ZNRF2: variants seen among roughly 807,000 people sequenced by gnomAD.
ZNRF2 encodes E3 ubiquitin-protein ligase ZNRF2.
Under a neutral mutation model 20.4 loss-of-function variants are expected in ZNRF2, and 16 were observed. The observed-to-expected ratio is 0.79, with a 90% CI of 0.53 to 1.19. ZNRF2 has a LOEUF of 1.19. Ranked by LOEUF, ZNRF2 falls within the 50% of genes most tolerant of loss-of-function variation. ZNRF2 has a pLI of 0.00. For synonymous variants in ZNRF2, 178 were observed against 144.9 expected (o/e 1.23, Z -1.64); for missense variants, 363 against 332.4 (o/e 1.09, Z -0.72).
intron 1 of ZNRF2, among the ~76,000 whole-genome samples, chr7:30,290,979 A>G (rs867659999): frequency 3.0e-4 from 46 of 152,360 alleles, no homozygotes; most frequent in African/African-American, 1.0e-3. Context: ...TCATTATACA[A>G]TGCAACAAAT....
At chr7:30,294,465 G>C (rs779647171) in intron 1 of ZNRF2, among the ~76,000 whole-genome samples, 1 of 152,008 alleles carries the variant, frequency 6.6e-6, no homozygotes, top group Non-Finnish European at 1.5e-5. Flanking sequence ...GTACCCTTTC[G>C]TTACTTCTAG....
chr7:30,353,878 TGG>T (rs1799994562), intron 2 of ZNRF2, among the ~76,000 whole-genome samples: 11 of 152,292 alleles, frequency 7.2e-5, no homozygotes, highest in Admixed American at 7.2e-4. Context: ...TTGATAAGAA[TGG>T]TATACCTTTG....
chr7:30,360,469 G>A (rs1471008140), intron 3 of ZNRF2, among the ~76,000 whole-genome samples: 1 of 152,078 alleles, frequency 6.6e-6, no homozygotes, highest in Non-Finnish European at 1.5e-5. Flanking sequence ...GCTGAGGTGG[G>A]TGGATCACCT....
intron 1 of ZNRF2, among the ~76,000 whole-genome samples, chr7:30,289,418 C>T (rs1798854872): frequency 6.6e-6 from 1 of 152,192 alleles, no homozygotes; most frequent in South Asian, 2.1e-4. Flanking sequence ...TTACCAATAT[C>T]AAGTGCCAAA....
chr7:30,306,900 C>T (rs1390382991), intron 1 of ZNRF2, among the ~76,000 whole-genome samples: 1 of 152,078 alleles, frequency 6.6e-6, no homozygotes, highest in African/African-American at 2.4e-5. Flanking sequence ...GCTGCCTAAT[C>T]TCTCATTATT....
At chr7:30,289,653 G>T in intron 1 of ZNRF2, 2 of 394,682 alleles carry the variant, frequency 5.1e-6, no homozygotes, top group Non-Finnish European at 1.0e-5. Flanking sequence ...GTTTTGCTGT[G>T]TGTAAGTGTG....
intron 3 of ZNRF2, among the ~76,000 whole-genome samples, chr7:30,358,942 A>C (rs1389497512): frequency 6.6e-6 from 1 of 152,206 alleles, no homozygotes; most frequent in East Asian, 1.9e-4. Flanking sequence ...TAAGGGTATA[A>C]ACAAGTGCTG....
chr7:30,303,286 AAAAG>A lies in ZNRF2; in HGVS notation c.469+17464_469+17467del, dbSNP rs140748522. Reference sequence around the variant, plus strand: ...CTCAAAAAAAAAAAAAAGAAAAAGAAAAAGAAAACTAGTTAACTCATTTTAATTC... The same window carrying A: ...CTCAAAAAAAAAAAAAAGAAAAAGAAAAAACTAGTTAACTCATTTTAATTC... On this transcript the variant is annotated intron_variant, in intron 1 of 4. Coordinates refer to ENST00000323037, the MANE Select transcript of ZNRF2 (RefSeq NM_147128.4). Among the ~76,000 whole-genome samples, 10 of 152,144 alleles carry A rather than the reference AAAAG, an allele frequency of 6.6e-5. No individual in the cohort carries two copies. In the East Asian group the frequency reaches 7.7e-4, roughly 12 times the overall value.
At chr7:30,363,646 G>A (rs370435622) in intron 4 of ZNRF2, among the ~76,000 whole-genome samples, 80 of 151,298 alleles carry the variant, frequency 5.3e-4, no homozygotes, top group Admixed American at 2.0e-3. Flanking sequence ...TGCATTTTAC[G>A]ACTGAAAAAA....
intron 4 of ZNRF2, among the ~76,000 whole-genome samples, chr7:30,364,509 G>A (rs1355597068): frequency 6.6e-6 from 1 of 152,114 alleles, no homozygotes; most frequent in Non-Finnish European, 1.5e-5. Context: ...AAATGTGAAT[G>A]GAAGTAAGAA....
rs2128058590 is a variant in ZNRF2, at chr7:30,304,790, C to A, written c.470-18852C>A. ...ATAGCATGACTTGCTTCCTCATTAA[C>A]CCACCAAAAAGTTATAGGAAAATGA... On this transcript the variant is annotated intron_variant, in intron 1 of 4. Coordinates refer to ENST00000323037, the MANE Select transcript of ZNRF2 (RefSeq NM_147128.4). Among the ~76,000 whole-genome samples the A allele has an allele frequency of 1.3e-5, 2 of 152,130 alleles. 1 individual carries two copies. Among genetic ancestry groups the A allele is most frequent in the South Asian group, 4.2e-4 (2 of 4,816 alleles).
chr7:30,295,068 T>G (rs1245426754), intron 1 of ZNRF2, among the ~76,000 whole-genome samples: 2 of 140,062 alleles, frequency 1.4e-5, no homozygotes, highest in African/African-American at 5.8e-5. Context: ...TGTGTGTGTG[T>G]GTGTGTGTGT....
intron 2 of ZNRF2, among the ~76,000 whole-genome samples, chr7:30,330,672 A>G (rs779369747): frequency 1.3e-5 from 2 of 151,968 alleles, no homozygotes; most frequent in Admixed American, 6.6e-5. Flanking sequence ...CTTATATACT[A>G]CATTTTCTTG....
intron 2 of ZNRF2, among the ~76,000 whole-genome samples, chr7:30,339,809 T>C (rs1160927217): frequency 1.3e-5 from 2 of 152,180 alleles, no homozygotes; most frequent in Non-Finnish European, 2.9e-5. Flanking sequence ...AGAAAGTCAT[T>C]GGTAGCTTAA....
chr7:30,329,473 A>G (rs889424435), intron 2 of ZNRF2, among the ~76,000 whole-genome samples: 2 of 152,076 alleles, frequency 1.3e-5, no homozygotes, highest in Non-Finnish European at 1.5e-5. Flanking sequence ...TCTGGTAACC[A>G]TCATTCTTCT....
intron 4 of ZNRF2, among the ~76,000 whole-genome samples, chr7:30,365,069 A>G (rs1366599334): frequency 6.6e-6 from 1 of 151,850 alleles, no homozygotes; most frequent in African/African-American, 2.4e-5. Flanking sequence ...CCACCTCTTA[A>G]TACTATAGCA....
rs1487846658 is a variant in ZNRF2, at chr7:30,286,901, A to C, written c.469+1075A>C. ...CTTTTACTTATATATTTGTAAACGT[A>C]GGAACTTTGGAGACTTAGTAAAGTG... On this transcript the variant is annotated intron_variant, in intron 1 of 4. Coordinates refer to ENST00000323037, the MANE Select transcript of ZNRF2 (RefSeq NM_147128.4). Among the ~76,000 whole-genome samples, 4 of 152,350 alleles carry C rather than the reference A, an allele frequency of 2.6e-5. No individual in the cohort carries two copies. The East Asian group carries it at 5.8e-4, about 22-fold the overall frequency.
intron 3 of ZNRF2, 64 bp downstream of exon 3, chr7:30,355,897 G>C: frequency 8.2e-7 from 1 of 1,226,958 alleles, no homozygotes; most frequent in Admixed American, 1.9e-5. Context: ...ATTGTAATTA[G>C]GGCTGAAAAG....
intron 1 of ZNRF2, among the ~76,000 whole-genome samples, chr7:30,291,874 G>C (rs1355138289): frequency 1.3e-5 from 2 of 152,180 alleles, no homozygotes; most frequent in African/African-American, 4.8e-5. Flanking sequence ...TATTTTAAGA[G>C]ACAGGGAGAG....
Sources: gnomAD v4.1 joint callset for allele counts (sites outside exome capture counted in the v4.1 genomes callset) on GRCh38, gnomAD v4.1.1 for gene constraint, MANE v1.5 for transcripts, NCBI Gene and HGNC (gene_info 2026-07-23, HGNC 2026-07-21) for gene names.